WDR70: variants seen among roughly 807,000 people sequenced by gnomAD.
WDR70 encodes WD repeat domain 70, also known as WD repeat-containing protein 70.
WDR70 carries 53 observed loss-of-function variants against 88.6 expected under a neutral mutation model. The observed-to-expected ratio is 0.60, with a 90% confidence interval of 0.48 to 0.75. WDR70 has a LOEUF of 0.75. Among genes scored for constraint, WDR70 ranks in the 30% least tolerant of loss-of-function variants. The probability of loss-of-function intolerance (pLI) is 0.00; values close to 1 mark genes in which losing one functional copy is unlikely to be tolerated. For missense variants in WDR70, 610 were observed against 823.2 expected (o/e 0.74, Z 3.17); for synonymous variants, 280 against 270.0 (o/e 1.04, Z -0.36).
intron 8 of WDR70, among the ~76,000 whole-genome samples, chr5:37,510,429 G>A (rs1191552258): frequency 1.3e-5 from 2 of 152,094 alleles, no homozygotes; most frequent in African/African-American, 2.4e-5. Flanking sequence ...TCTTCAGTGA[G>A]GTGTTCCTAA....
intron 2 of WDR70, 74 bp from the exon 3 acceptor site, chr5:37,381,528 A>G: frequency 8.8e-7 from 1 of 1,137,734 alleles, no homozygotes; most frequent in Non-Finnish European, 1.3e-6. Context: ...GTGTTTATTG[A>G]TCAGTATTGA....
At chr5:37,672,257 A>T (rs1023646285) in intron 10 of WDR70, among the ~76,000 whole-genome samples, 2 of 152,098 alleles carry the variant, frequency 1.3e-5, no homozygotes, top group African/African-American at 4.8e-5. Context: ...AGACAGCCTG[A>T]GATATGGCCT....
At chr5:37,700,948 C>G (rs1364527934) in intron 11 of WDR70, 110 bp from the exon 12 acceptor site, 2 of 637,646 alleles carry the variant, frequency 3.1e-6, no homozygotes, top group Non-Finnish European at 2.8e-6. Context: ...CTTCCCCTTC[C>G]CTTTCTTCTT....
chr5:37,612,667 A>G (rs1744221569), intron 10 of WDR70, among the ~76,000 whole-genome samples: 1 of 152,188 alleles, frequency 6.6e-6, no homozygotes, highest in Non-Finnish European at 1.5e-5. Context: ...TTACGCATCC[A>G]AGTCTGACAG....
At chr5:37,463,900 A>T (rs1306043597) in intron 7 of WDR70, among the ~76,000 whole-genome samples, 2 of 152,238 alleles carry the variant, frequency 1.3e-5, no homozygotes, top group Admixed American at 6.5e-5. Flanking sequence ...AATGTTGGCA[A>T]AGTAGTCTAC....
intron 11 of WDR70, 26 bp downstream of exon 11, chr5:37,697,780 G>T: frequency 6.5e-7 from 1 of 1,548,834 alleles, no homozygotes; most frequent in Non-Finnish European, 8.9e-7. Context: ...TCTTTTTGAT[G>T]TATTTCTCTA....
intron 10 of WDR70, chr5:37,619,918 T>G (rs1338311606): frequency 9.3e-5 from 2 of 21,496 alleles, no homozygotes; most frequent in Non-Finnish European, 2.2e-4. Context: ...ATTTACCAGG[T>G]TTTTTTTTTT....
chr5:37,723,436 G>A (rs1747883618), intron 15 of WDR70: 1 of 153,334 alleles, frequency 6.5e-6, no homozygotes, highest in Non-Finnish European at 1.5e-5. Flanking sequence ...ACTACCTGGG[G>A]TATGAGTAGA....
chr5:37,743,025 A>AT (rs1748529757), intron 17 of WDR70, among the ~76,000 whole-genome samples: 1 of 152,264 alleles, frequency 6.6e-6, no homozygotes, highest in Admixed American at 6.5e-5. Flanking sequence ...AAGATGGCCA[A>AT]TTCAAAGCAG....
At chr5:37,447,717 C>T (rs1287886993) in intron 7 of WDR70, among the ~76,000 whole-genome samples, 1 of 152,084 alleles carries the variant, frequency 6.6e-6, no homozygotes. Flanking sequence ...TGTTCTCACT[C>T]GTAGGTGGGA....
chr5:37,714,091 C>T (rs1183770012), intron 13 of WDR70, among the ~76,000 whole-genome samples: 1 of 152,164 alleles, frequency 6.6e-6, no homozygotes, highest in East Asian at 1.9e-4. Flanking sequence ...TTTAAAACAT[C>T]TTTACCTGTA....
At chr5:37,392,811 A>AT (rs1233207281) in intron 4 of WDR70, among the ~76,000 whole-genome samples, 1 of 148,632 alleles carries the variant, frequency 6.7e-6, no homozygotes, top group East Asian at 2.0e-4. Context: ...TGCCCTGCTA[A>AT]TTTTTTTTGT....
chr5:37,452,864 C>T (rs1343030267), intron 7 of WDR70, among the ~76,000 whole-genome samples: 5 of 152,138 alleles, frequency 3.3e-5, no homozygotes, highest in East Asian at 3.9e-4. Flanking sequence ...ACTCAAAGAA[C>T]GCCCCCATAG....
intron 7 of WDR70, among the ~76,000 whole-genome samples, chr5:37,451,408 G>A (rs1156792003): frequency 1.3e-5 from 2 of 152,144 alleles, no homozygotes; most frequent in African/African-American, 4.8e-5. Context: ...CAGTATGGTA[G>A]TCACTCGTCA....
At chr5:37,455,243 C>CTTTTTTT (rs544303522) in intron 7 of WDR70, among the ~76,000 whole-genome samples, 8 of 123,094 alleles carry the variant, frequency 6.5e-5, no homozygotes, top group Admixed American at 8.4e-5. Flanking sequence ...TTCTTTCTTT[C>CTTTTTTT]TTTTTTTTTT....
At chr5:37,588,642 T>A (rs1467892409) in intron 9 of WDR70, among the ~76,000 whole-genome samples, 13 of 152,140 alleles carry the variant, frequency 8.5e-5, no homozygotes, top group Non-Finnish European at 1.9e-4. Context: ...AGCAGTGCCA[T>A]CATAGCTCAC....
intron 7 of WDR70, among the ~76,000 whole-genome samples, chr5:37,468,599 A>C (rs1231071905): frequency 6.6e-6 from 1 of 152,104 alleles, no homozygotes; most frequent in Non-Finnish European, 1.5e-5. Context: ...TTGTAGGGAA[A>C]AATTCAAAAT....
At chr5:37,506,239 G>A (rs1419262222) in intron 8 of WDR70, 5 of 942,708 alleles carry the variant, frequency 5.3e-6, no homozygotes, top group East Asian at 2.4e-5. Context: ...ATCAAAAATC[G>A]GACAAATTCC....
At chr5:37,687,824 T>G in intron 10 of WDR70, 1 of 513,844 alleles carries the variant, frequency 1.9e-6, no homozygotes, top group Admixed American at 3.0e-5. Flanking sequence ...TACCTTAGAA[T>G]CCCACTCAGG....
Sources: allele counts gnomAD v4.1 joint callset (sites outside exome capture counted in the v4.1 genomes callset), GRCh38; gene constraint gnomAD v4.1.1; transcripts MANE v1.5; gene names NCBI Gene and HGNC (gene_info 2026-07-23, HGNC 2026-07-21).